The following AGBL4 variants were observed in gnomAD, a reference collection of about 807,000 sequenced individuals.
The protein encoded by AGBL4 is cytosolic carboxypeptidase 6.
Under a neutral mutation model 66.4 loss-of-function variants are expected in AGBL4, and 58 were observed. The observed-to-expected ratio is 0.87, with a 90% CI of 0.71 to 1.09. The LOEUF is 1.09. Ranked by LOEUF, AGBL4 falls within the 50% of genes least tolerant of loss-of-function variation. The probability of loss-of-function intolerance (pLI) is 0.00; values close to 1 mark genes in which losing one functional copy is unlikely to be tolerated. For missense variants in AGBL4, 579 were observed against 631.0 expected, an observed-to-expected ratio of 0.92 and a Z score of 0.88; for synonymous variants, 234 against 222.9, an observed-to-expected ratio of 1.05 and a Z score of -0.44.
rs1646971145 is a variant in AGBL4 at position 49,482,289 on chromosome 1, G to A, written c.282+215024C>T. Among the ~76,000 whole-genome samples, 3 of 151,950 alleles carry A rather than the reference G, an allele frequency of 2.0e-5. 1 individual carries two copies. The highest frequency in any genetic ancestry group is 4.4e-5 in the Non-Finnish European group (3 of 67,978). ...TAGGTAGGACCAGGTTTATTGGTTGGTAGGCTCTTCATTACTGCCTCAGAG... is the reference window on the plus strand; with the variant it reads ...TAGGTAGGACCAGGTTTATTGGTTGATAGGCTCTTCATTACTGCCTCAGAG... On this transcript the variant is annotated intron_variant, in intron 3 of 13. Transcript: ENST00000371839.
At chr1:48,892,951 T>C (rs3121520) in intron 5 of AGBL4, among the ~76,000 whole-genome samples, 130,754 of 152,082 alleles carry the variant, frequency 0.86, 57,484 homozygotes, top group Non-Finnish European at 0.96. Flanking sequence ...ATATATCTTT[T>C]AGGGGAATAC....
chr1:49,036,019 T>C (rs544509407), intron 5 of AGBL4, among the ~76,000 whole-genome samples: 12 of 151,886 alleles, frequency 7.9e-5, no homozygotes. Context: ...GATACTATGC[T>C]CAGTACCTGG....
At chr1:49,123,630 G>T (rs1264730763) in intron 4 of AGBL4, among the ~76,000 whole-genome samples, 2 of 152,146 alleles carry the variant, frequency 1.3e-5, no homozygotes, top group Non-Finnish European at 2.9e-5. Flanking sequence ...GCTAGGGTGT[G>T]TCTAAGGATG....
At chr1:49,855,541 C>T (rs970491271) in intron 1 of AGBL4, among the ~76,000 whole-genome samples, 2 of 152,110 alleles carry the variant, frequency 1.3e-5, no homozygotes, top group Admixed American at 6.6e-5. Flanking sequence ...AAATCAAAAT[C>T]ATATCAAATA....
chr1:48,876,599 C>G (rs1649258214), intron 5 of AGBL4, among the ~76,000 whole-genome samples: 1 of 152,162 alleles, frequency 6.6e-6, no homozygotes, highest in South Asian at 2.1e-4. Context: ...CCCACAGCAT[C>G]TAGGCAGTGA....
In AGBL4 at chr1:49,913,002, T is replaced by G. The variant is rs538752752; in HGVS notation, c.35-61484A>C. 1.2e-4 allele frequency among the ~76,000 whole-genome samples: 18 copies of G among 152,342 alleles called. No individual in the cohort carries two copies. The South Asian group carries it at 1.7e-3, about 14-fold the overall frequency. On this transcript the variant is annotated intron_variant, in intron 1 of 13. Transcript: ENST00000371839. ...ACACTGTTATAACGACAATTAAATTTCAACATGAGTTTTAAAGGGGACATT... is the reference window on the plus strand; with the variant it reads ...ACACTGTTATAACGACAATTAAATTGCAACATGAGTTTTAAAGGGGACATT...
intron 5 of AGBL4, among the ~76,000 whole-genome samples, chr1:48,908,881 C>A (rs1014457392): frequency 6.7e-6 from 1 of 149,810 alleles, no homozygotes; most frequent in Non-Finnish European, 1.5e-5. Context: ...ATCACATCCT[C>A]TTTTATGTTC....
chr1:49,453,641 GA>G, intron 3 of AGBL4, among the ~76,000 whole-genome samples: 1 of 151,832 alleles, frequency 6.6e-6, no homozygotes. Flanking sequence ...ATGAAACAAT[GA>G]AAAAAGTTAC....
intron 3 of AGBL4, among the ~76,000 whole-genome samples, chr1:49,575,863 A>G (rs1360024141): frequency 1.3e-5 from 2 of 152,218 alleles, no homozygotes; most frequent in Non-Finnish European, 2.9e-5. Flanking sequence ...GCTTTGTGTC[A>G]TAATCTTATT....
chr1:48,612,143 G>A (rs1645248496), intron 9 of AGBL4, among the ~76,000 whole-genome samples: 1 of 152,228 alleles, frequency 6.6e-6, no homozygotes. Context: ...TACTTTGTGG[G>A]AATCAACTGC....
intron 3 of AGBL4, among the ~76,000 whole-genome samples, chr1:49,390,015 C>CTGTTTCTATGGACCCAGTTA (rs1553194042): frequency 1.3e-5 from 2 of 152,270 alleles, no homozygotes; most frequent in East Asian, 3.9e-4. Context: ...CCCTTGGACT[C>CTGTTTCTATGGACCCAGTTA]TGTTTCTATG....
chr1:49,030,853 A>G (rs1017683975), intron 5 of AGBL4, among the ~76,000 whole-genome samples: 2 of 151,912 alleles, frequency 1.3e-5, no homozygotes, highest in Non-Finnish European at 2.9e-5. Context: ...AAAAGAAAAA[A>G]AATGGATCAA....
At chr1:49,660,576 T>C (rs1234144341) in intron 3 of AGBL4, among the ~76,000 whole-genome samples, 1 of 152,196 alleles carries the variant, frequency 6.6e-6, no homozygotes, top group Non-Finnish European at 1.5e-5. Flanking sequence ...AGAAATACCA[T>C]TTGACCCAGC....
At chr1:49,749,657 G>T (rs773582566) in intron 2 of AGBL4, among the ~76,000 whole-genome samples, 1 of 151,992 alleles carries the variant, frequency 6.6e-6, no homozygotes, top group East Asian at 1.9e-4. Flanking sequence ...TCCATTCACG[G>T]TTATATCAAA....
intron 1 of AGBL4, among the ~76,000 whole-genome samples, chr1:49,961,085 A>T (rs1203119633): frequency 6.6e-6 from 1 of 152,134 alleles, no homozygotes; most frequent in Non-Finnish European, 1.5e-5. Flanking sequence ...AGCATCACCA[A>T]AGAGTTTTAG....
At chr1:49,480,929 C>G (rs1646943391) in intron 3 of AGBL4, among the ~76,000 whole-genome samples, 1 of 151,934 alleles carries the variant, frequency 6.6e-6, no homozygotes, top group Non-Finnish European at 1.5e-5. Flanking sequence ...TCAGGTTTGT[C>G]ACAGATCAGA....
chr1:48,661,197 A>G (rs766106490), intron 7 of AGBL4, among the ~76,000 whole-genome samples: 5 of 152,218 alleles, frequency 3.3e-5, no homozygotes, highest in South Asian at 2.1e-4. Context: ...GATGATGGCC[A>G]TCTTTAGATC....
At chr1:48,657,971 T>G (rs1468837845) in intron 7 of AGBL4, among the ~76,000 whole-genome samples, 1 of 152,216 alleles carries the variant, frequency 6.6e-6, no homozygotes, top group African/African-American at 2.4e-5. Flanking sequence ...TGCCACTATA[T>G]TTTTAGTGCC....
chr1:49,583,098 G>A (rs1169961258), intron 3 of AGBL4, among the ~76,000 whole-genome samples: 2 of 152,116 alleles, frequency 1.3e-5, no homozygotes, highest in Non-Finnish European at 2.9e-5. Context: ...CCTGGTTTCT[G>A]ACCCAGAGCT....
Sources: allele counts gnomAD v4.1 joint callset (sites outside exome capture counted in the v4.1 genomes callset), GRCh38; gene constraint gnomAD v4.1.1; transcripts MANE v1.5; gene names NCBI Gene and HGNC (gene_info 2026-07-23, HGNC 2026-07-21).